The following WWOX variants were observed in gnomAD, a reference collection of about 807,000 sequenced individuals.
The protein encoded by WWOX is WW domain containing oxidoreductase.
A neutral mutation model predicts 46.2 loss-of-function variants in WWOX; 69 were observed. The observed-to-expected ratio is 1.49, with a 90% CI of 1.23 to 1.82. WWOX has a LOEUF of 1.82. WWOX is among the 40% of genes most tolerant of loss of function. WWOX has a pLI of 0.00. For synonymous variants in WWOX, 359 were observed against 202.6 expected (o/e 1.77, Z -6.56); for missense variants, 919 against 542.6 (o/e 1.69, Z -6.89).
chr16:78,737,395 C>G (rs1034491212), intron 8 of WWOX, among the ~76,000 whole-genome samples: 9 of 152,058 alleles, frequency 5.9e-5, no homozygotes, highest in African/African-American at 1.2e-4. Flanking sequence ...CCTCAGCCTC[C>G]CAAAGTGCTG....
chr16:78,915,583 GT>G (rs2045229993), intron 8 of WWOX, among the ~76,000 whole-genome samples: 1 of 152,142 alleles, frequency 6.6e-6, no homozygotes, highest in Non-Finnish European at 1.5e-5. Flanking sequence ...AAATTGCACT[GT>G]GACATTGCTG....
intron 8 of WWOX, among the ~76,000 whole-genome samples, chr16:78,678,961 A>G (rs1028154930): frequency 1.3e-5 from 2 of 152,170 alleles, no homozygotes; most frequent in African/African-American, 4.8e-5. Context: ...GCATCAGTTC[A>G]GCCTGGCCCT....
intron 8 of WWOX, among the ~76,000 whole-genome samples, chr16:78,961,826 C>G (rs888443109): frequency 1.3e-5 from 2 of 152,180 alleles, no homozygotes; most frequent in African/African-American, 4.8e-5. Flanking sequence ...TAATGCATCT[C>G]TATTTCTGCT....
At chr16:78,520,768 C>G (rs899327035) in intron 8 of WWOX, among the ~76,000 whole-genome samples, 1 of 152,110 alleles carries the variant, frequency 6.6e-6, no homozygotes. Context: ...AATCCCAGGG[C>G]CAGATATTAG....
chr16:78,813,425 T>C (rs1038332952), intron 8 of WWOX, among the ~76,000 whole-genome samples: 1 of 152,194 alleles, frequency 6.6e-6, no homozygotes, highest in Non-Finnish European at 1.5e-5. Flanking sequence ...GAATGGAGGA[T>C]ACTTGAGCTG....
At chr16:78,714,843 C>G (rs1305570721) in intron 8 of WWOX, among the ~76,000 whole-genome samples, 3 of 152,026 alleles carry the variant, frequency 2.0e-5, no homozygotes, top group Non-Finnish European at 4.4e-5. Flanking sequence ...CAGTGAGGAA[C>G]CAGTGAGTGG....
chr16:78,370,792 G>C (rs1302381909), intron 5 of WWOX, among the ~76,000 whole-genome samples: 2 of 95,626 alleles, frequency 2.1e-5, no homozygotes, highest in South Asian at 4.4e-4. Flanking sequence ...TTTTTTTGGG[G>C]GGGGGGGGGC....
intron 8 of WWOX, among the ~76,000 whole-genome samples, chr16:79,003,176 C>T (rs987147291): frequency 6.6e-6 from 1 of 152,150 alleles, no homozygotes; most frequent in African/African-American, 2.4e-5. Flanking sequence ...ACTTTGAGAG[C>T]CCAATAAAAC....
intron 6 of WWOX, among the ~76,000 whole-genome samples, chr16:78,393,398 C>G (rs1012292330): frequency 5.3e-5 from 8 of 152,126 alleles, no homozygotes; most frequent in African/African-American, 1.2e-4. Context: ...TGGTTCATGC[C>G]TATAATCCCA....
intron 5 of WWOX, among the ~76,000 whole-genome samples, chr16:78,177,680 C>T (rs1262271952): frequency 6.6e-6 from 1 of 152,166 alleles, no homozygotes. Context: ...GGAGAATAGA[C>T]TTTATTCTCT....
At chr16:79,194,604 CCTT>C (rs2051201654) in intron 8 of WWOX, among the ~76,000 whole-genome samples, 3 of 152,164 alleles carry the variant, frequency 2.0e-5, no homozygotes, top group African/African-American at 7.2e-5. Context: ...CCACTTCCAT[CCTT>C]CTCCACCCCC....
At chr16:78,691,863 A>G (rs7188341) in intron 8 of WWOX, among the ~76,000 whole-genome samples, 54,231 of 152,094 alleles carry the variant, frequency 0.36, 11,761 homozygotes, top group Admixed American at 0.53. Flanking sequence ...CAGAATTCCC[A>G]CATGTTGTGG....
chr16:79,046,110 C>G (rs1159542255), intron 8 of WWOX, among the ~76,000 whole-genome samples: 1 of 152,084 alleles, frequency 6.6e-6, no homozygotes, highest in Non-Finnish European at 1.5e-5. Context: ...CCACAGTTTT[C>G]TTTTCTATAT....
intron 5 of WWOX, among the ~76,000 whole-genome samples, chr16:78,358,447 C>T (rs1433881763): frequency 1.3e-5 from 2 of 152,126 alleles, no homozygotes; most frequent in Non-Finnish European, 2.9e-5. Flanking sequence ...CACTTGAGGT[C>T]AGGAGTTTGA....
At chr16:78,250,086 T>A (rs1428135996) in intron 5 of WWOX, among the ~76,000 whole-genome samples, 1 of 152,212 alleles carries the variant, frequency 6.6e-6, no homozygotes, top group Non-Finnish European at 1.5e-5. Context: ...CCCCACTCCC[T>A]GGCTCTGTGA....
intron 8 of WWOX, among the ~76,000 whole-genome samples, chr16:78,618,856 A>G (rs1381859197): frequency 6.6e-6 from 1 of 151,726 alleles, no homozygotes; most frequent in East Asian, 2.0e-4. Flanking sequence ...CTGACAGGCT[A>G]TACGCGGACA....
At chr16:78,499,012 C>T (rs775437387) in intron 8 of WWOX, among the ~76,000 whole-genome samples, 4 of 152,144 alleles carry the variant, frequency 2.6e-5, no homozygotes, top group East Asian at 1.9e-4. Flanking sequence ...ATGAAGTACA[C>T]GAGGTTTCTT....
At chr16:78,407,569 TA>T (rs2082576809) in intron 6 of WWOX, among the ~76,000 whole-genome samples, 1 of 152,178 alleles carries the variant, frequency 6.6e-6, no homozygotes, top group Non-Finnish European at 1.5e-5. Context: ...CTAGACTCTT[TA>T]AAGCACCTTT....
chr16:78,736,300 A>G (rs62036143), intron 8 of WWOX, among the ~76,000 whole-genome samples: 22,906 of 152,096 alleles, frequency 0.15, 2,099 homozygotes, highest in African/African-American at 0.25. Flanking sequence ...CCTCATGGGG[A>G]CCTGTATGTT....
Sources: gnomAD v4.1 joint callset for allele counts (sites outside exome capture counted in the v4.1 genomes callset) on GRCh38, gnomAD v4.1.1 for gene constraint, MANE v1.5 for transcripts, NCBI Gene and HGNC (gene_info 2026-07-23, HGNC 2026-07-21) for gene names.